The following SPMIP7 variants were observed in gnomAD, a reference collection of about 807,000 sequenced individuals.
SPMIP7 encodes the protein sperm microtubule inner protein 7.
the SPMIP7 span, among the ~76,000 whole-genome samples, chr7:50,151,129 C>T: frequency 6.6e-6 from 1 of 152,164 alleles, no homozygotes; most frequent in Non-Finnish European, 1.5e-5. Flanking sequence ...CTGGTATCTT[C>T]CTTCATTATG....
the SPMIP7 span, among the ~76,000 whole-genome samples, chr7:50,132,026 C>A: frequency 6.6e-6 from 1 of 152,178 alleles, no homozygotes; most frequent in African/African-American, 2.4e-5. Context: ...TACCCATGAC[C>A]AAACATAGTG....
the SPMIP7 span, among the ~76,000 whole-genome samples, chr7:50,110,881 ATAT>A: frequency 7.4e-6 from 1 of 135,524 alleles, no homozygotes; most frequent in Non-Finnish European, 1.5e-5. Context: ...ATATTACTAT[ATAT>A]TATTACATAA....
At chr7:50,104,641 T>C in the SPMIP7 span, among the ~76,000 whole-genome samples, 1 of 151,898 alleles carries the variant, frequency 6.6e-6, no homozygotes, top group Admixed American at 6.6e-5. Flanking sequence ...GAGGAGTGAG[T>C]AGTAGATGCA....
At chr7:50,125,559 G>C in the SPMIP7 span, among the ~76,000 whole-genome samples, 1 of 148,992 alleles carries the variant, frequency 6.7e-6, no homozygotes, top group Non-Finnish European at 1.5e-5. Context: ...AGTGTCCATA[G>C]ACAGATGAAT....
At chr7:50,151,321 T>C in the SPMIP7 span, 1 of 758,568 alleles carries the variant, frequency 1.3e-6, no homozygotes, top group East Asian at 2.7e-5. Context: ...CCACACCTCA[T>C]ACAGGAAAAA....
At chr7:50,137,791 T>C in the SPMIP7 span, among the ~76,000 whole-genome samples, 1 of 152,194 alleles carries the variant, frequency 6.6e-6, no homozygotes, top group African/African-American at 2.4e-5. Flanking sequence ...ATGACCTGTT[T>C]GAATTTTCAC....
At chr7:50,142,898 G>C in the SPMIP7 span, 2 of 152,084 alleles carry the variant, frequency 1.3e-5, no homozygotes, top group Admixed American at 1.3e-4. Context: ...AATACTGCTT[G>C]AGCTACAAAG....
At chr7:50,113,480 T>C in the SPMIP7 span, among the ~76,000 whole-genome samples, 84 of 152,082 alleles carry the variant, frequency 5.5e-4, no homozygotes, top group Non-Finnish European at 7.8e-4. Flanking sequence ...ACAACCATGA[T>C]GAGAACAAGG....
At chr7:50,134,222 T>C in the SPMIP7 span, 8 of 1,545,518 alleles carry the variant, frequency 5.2e-6, no homozygotes, top group East Asian at 7.4e-5. Flanking sequence ...TGAAAAGATA[T>C]AAAGGGGTGC....
chr7:50,118,682 A>G, the SPMIP7 span, among the ~76,000 whole-genome samples: 1 of 152,190 alleles, frequency 6.6e-6, no homozygotes, highest in African/African-American at 2.4e-5. Context: ...GAATAAGCTT[A>G]TGCACCCAAT....
chr7:50,122,681 A>C, the SPMIP7 span, among the ~76,000 whole-genome samples: 1 of 151,022 alleles, frequency 6.6e-6, no homozygotes, highest in Non-Finnish European at 1.5e-5. Flanking sequence ...ACAAAGGGCT[A>C]ATATCCAGAA....
At chr7:50,136,116 G>A in the SPMIP7 span, 1 of 1,551,204 alleles carries the variant, frequency 6.4e-7, no homozygotes, top group African/African-American at 1.4e-5. Flanking sequence ...TGAGCTCTGG[G>A]ACAGATTTCA....
the SPMIP7 span, among the ~76,000 whole-genome samples, chr7:50,133,513 A>T: frequency 1.3e-5 from 2 of 152,110 alleles, no homozygotes; most frequent in Non-Finnish European, 2.9e-5. Context: ...AAACTGTAAG[A>T]TGTATGTAAG....
At chr7:50,122,584 A>G in the SPMIP7 span, among the ~76,000 whole-genome samples, 232 of 128,006 alleles carry the variant, frequency 1.8e-3, no homozygotes, top group Admixed American at 2.4e-3. Flanking sequence ...ATTAAACTAA[A>G]GAGCTTCTGC....
the SPMIP7 span, among the ~76,000 whole-genome samples, chr7:50,123,860 T>C: frequency 1.3e-5 from 2 of 152,044 alleles, no homozygotes; most frequent in Non-Finnish European, 2.9e-5. Context: ...AGTAATAAAA[T>C]GTTACACTTA....
At chr7:50,157,465 C>T in the SPMIP7 span, among the ~76,000 whole-genome samples, 1 of 152,124 alleles carries the variant, frequency 6.6e-6, no homozygotes, top group African/African-American at 2.4e-5. Flanking sequence ...AGAATGTAAC[C>T]TTCACAGAAA....
At chr7:50,129,315 G>A in the SPMIP7 span, among the ~76,000 whole-genome samples, 1 of 151,662 alleles carries the variant, frequency 6.6e-6, no homozygotes, top group Non-Finnish European at 1.5e-5. Context: ...ACAATAATTA[G>A]TTAATTAATT....
chr7:50,134,065 G>T, the SPMIP7 span: 1 of 1,480,848 alleles, frequency 6.8e-7, no homozygotes, highest in African/African-American at 1.4e-5. Context: ...TTTACCAATT[G>T]AATATGCTTT....
At chr7:50,120,547 T>C in the SPMIP7 span, among the ~76,000 whole-genome samples, 2 of 152,188 alleles carry the variant, frequency 1.3e-5, no homozygotes, top group Non-Finnish European at 2.9e-5. Flanking sequence ...GTTTTACTAC[T>C]ACAGAAAGCT....
Sources: gnomAD v4.1 joint callset for allele counts (sites outside exome capture counted in the v4.1 genomes callset) on GRCh38, gnomAD v4.1.1 for gene constraint, MANE v1.5 for transcripts, NCBI Gene and HGNC (gene_info 2026-07-23, HGNC 2026-07-21) for gene names.